Variants in PPP2R2C observed in about 807,000 individuals in gnomAD.
PPP2R2C encodes protein phosphatase 2 regulatory subunit Bgamma, also known as protein phosphatase 2, regulatory subunit B, gamma.
PPP2R2C carries 10 observed loss-of-function variants against 45.3 expected under a neutral mutation model. The observed-to-expected ratio is 0.22, with a 90% CI of 0.14 to 0.37. The LOEUF is 0.37. PPP2R2C is among the 10% of genes least tolerant of loss of function. The pLI is 1.00. For synonymous variants in PPP2R2C, 257 were observed against 245.4 expected (o/e 1.05, Z -0.44); for missense variants, 308 against 619.7 (o/e 0.50, Z 5.34).
chr4:6,357,989 TA>T, intron 5 of PPP2R2C, among the ~76,000 whole-genome samples: 1 of 152,242 alleles, frequency 6.6e-6, no homozygotes, highest in South Asian at 2.1e-4. Context: ...AAAACTACTT[TA>T]AAATTCATAT....
intron 2 of PPP2R2C, among the ~76,000 whole-genome samples, chr4:6,380,672 G>A (rs1013462150): frequency 1.6e-4 from 25 of 152,186 alleles, no homozygotes; most frequent in African/African-American, 5.5e-4. Context: ...CGCAAACATC[G>A]GCTGAGGGCA....
At chr4:6,495,864 T>C (rs1041846939) in intron 2 of PPP2R2C, among the ~76,000 whole-genome samples, 1 of 152,182 alleles carries the variant, frequency 6.6e-6, no homozygotes, top group Non-Finnish European at 1.5e-5. Flanking sequence ...AACAGAAACA[T>C]GTCCTCTCAC....
intron 1 of PPP2R2C, among the ~76,000 whole-genome samples, chr4:6,469,177 T>G (rs548455463): frequency 6.6e-6 from 1 of 151,606 alleles, no homozygotes; most frequent in South Asian, 2.1e-4. Flanking sequence ...CCTAAGATGT[T>G]TGAGATTTTA....
chr4:6,373,785 G>A (rs1715059236), intron 4 of PPP2R2C, among the ~76,000 whole-genome samples: 1 of 152,194 alleles, frequency 6.6e-6, no homozygotes, highest in South Asian at 2.1e-4. Flanking sequence ...CACACACCAG[G>A]GCACCCAGCC....
At chr4:6,476,240 C>T (rs191729433), upstream of PPP2R2C, among the ~76,000 whole-genome samples, 5 of 152,348 alleles carry the variant, frequency 3.3e-5, no homozygotes, top group African/African-American at 4.8e-5. Context: ...CAGGAAAGGG[C>T]GCTAGCCACC....
At chr4:6,423,820 G>A (rs1719121447) in intron 1 of PPP2R2C, among the ~76,000 whole-genome samples, 2 of 152,208 alleles carry the variant, frequency 1.3e-5, no homozygotes, top group Admixed American at 1.3e-4. Flanking sequence ...AGAAAGGCAG[G>A]TCAGGCCAGA....
At position 6,332,040 on chromosome 4, in the gene PPP2R2C, A is replaced by G. The variant is rs1732447545; in HGVS notation, c.960+1522T>C. On this transcript the variant is annotated intron_variant, in intron 7 of 8. Coordinates refer to ENST00000382599, the MANE Select transcript of PPP2R2C (RefSeq NM_020416.4). This position sits in a 1 kb window ranked among gnomAD's most constrained non-coding sequence, Gnocchi z 4.9. ...TACGGCCTCACGCTCCAGAACAGTC[A>G]TTCCCCTCCTTCGTGGGGTCCTTCA... 6.6e-6 allele frequency among the ~76,000 whole-genome samples: 1 copy of G among 152,182 alleles called. No homozygotes were observed. The highest frequency in any genetic ancestry group is 1.5e-5 in the Non-Finnish European group (1 of 68,034).
intron 1 of PPP2R2C, chr4:6,414,077 T>A: frequency 6.5e-6 from 1 of 154,528 alleles, no homozygotes; most frequent in Non-Finnish European, 8.4e-6. Flanking sequence ...TGCCTGTGTA[T>A]GTGTGTGTGT....
At chr4:6,449,600 G>C (rs1479778629) in intron 1 of PPP2R2C, among the ~76,000 whole-genome samples, 1 of 152,248 alleles carries the variant, frequency 6.6e-6, no homozygotes, top group Non-Finnish European at 1.5e-5. Context: ...TCCTCACGTG[G>C]TTGCACAAAG....
intron 2 of PPP2R2C, among the ~76,000 whole-genome samples, chr4:6,528,908 C>T (rs977216667): frequency 9.9e-5 from 15 of 152,214 alleles, no homozygotes; most frequent in African/African-American, 3.6e-4. Context: ...CCCTATCTCC[C>T]TTTGCTGACT....
chr4:6,434,533 A>G (rs1658157070), intron 1 of PPP2R2C, among the ~76,000 whole-genome samples: 1 of 151,656 alleles, frequency 6.6e-6, no homozygotes, highest in African/African-American at 2.4e-5. Flanking sequence ...TAATTTTTGT[A>G]GTTTTAGTAG....
chr4:6,366,113 T>C (rs932394770), intron 5 of PPP2R2C, among the ~76,000 whole-genome samples: 2 of 152,240 alleles, frequency 1.3e-5, no homozygotes, highest in African/African-American at 4.8e-5. Flanking sequence ...GAAGGGCTGT[T>C]GTTTAAGAGA....
At chr4:6,381,698 C>T in intron 1 of PPP2R2C, 1 of 1,547,292 alleles carries the variant, frequency 6.5e-7, no homozygotes, top group Non-Finnish European at 8.7e-7. Flanking sequence ...CCTGCCTGCC[C>T]TGACCCTCCC....
chr4:6,349,098 C>A (rs1050684545), intron 5 of PPP2R2C: 2 of 985,348 alleles, frequency 2.0e-6, no homozygotes, highest in Non-Finnish European at 1.2e-6. Context: ...CAAGGACTGG[C>A]ACCCCCGAGC....
chr4:6,322,148 T>C lies in PPP2R2C; in HGVS notation c.*1154A>G, dbSNP rs1731591274. 6.6e-6 allele frequency: 1 copy of C among 152,084 alleles called. No individual in the cohort carries two copies. The highest frequency in any genetic ancestry group is 2.1e-4 in the South Asian group (1 of 4,822). 9.4% of individuals were successfully genotyped at this position (152,084 alleles called of 1,614,324 possible). A position where few individuals can be genotyped will look rare whatever the true frequency, so the allele number is the denominator to read the frequency against. On this transcript the variant is annotated 3_prime_UTR_variant, in exon 9 of 9. Coordinates refer to ENST00000382599, the MANE Select transcript of PPP2R2C (RefSeq NM_020416.4). The surrounding 1 kb of genome is among the most constrained non-coding windows in gnomAD (Gnocchi z 7.8). ...CTACTTCACAAGACAGAGGCATTCC[T>C]TTCCAAACCTTCCATTTGAATGTCG...
intron 1 of PPP2R2C, among the ~76,000 whole-genome samples, chr4:6,538,495 A>G (rs1350611442): frequency 3.3e-5 from 5 of 152,142 alleles, no homozygotes; most frequent in Non-Finnish European, 5.9e-5. Context: ...AACACACCCA[A>G]TGGTGGGAAG....
At chr4:6,425,294 C>A (rs1173341069) in intron 1 of PPP2R2C, among the ~76,000 whole-genome samples, 1 of 152,208 alleles carries the variant, frequency 6.6e-6, no homozygotes, top group Non-Finnish European at 1.5e-5. Context: ...GTGTGAGCAT[C>A]ATTAAGAGCC....
intron 1 of PPP2R2C, among the ~76,000 whole-genome samples, chr4:6,405,524 G>T (rs528209638): frequency 1.3e-5 from 2 of 152,314 alleles, no homozygotes; most frequent in East Asian, 3.9e-4. Flanking sequence ...TATGAGGAAG[G>T]GACCCCAAGG....
In PPP2R2C at chr4:6,328,518, T is replaced by C. The variant is rs1276203961; in HGVS notation, c.1052+744A>G. Among the ~76,000 whole-genome samples, 1 of 152,088 alleles carries C rather than the reference T, an allele frequency of 6.6e-6. No homozygotes were observed. Among genetic ancestry groups the C allele is most frequent in the Non-Finnish European group, 1.5e-5 (1 of 68,008 alleles). ...TGATTTGGGAGGGCAGAAGAGGGAT[T>C]TTCCCACCTCCAGAATGGAGGAAGA... On this transcript the variant is annotated intron_variant, in intron 8 of 8. Transcript: ENST00000382599. The surrounding 1 kb of genome is among the most constrained non-coding windows in gnomAD (Gnocchi z 4.4).
Sources: allele counts gnomAD v4.1 joint callset (sites outside exome capture counted in the v4.1 genomes callset), GRCh38; gene constraint gnomAD v4.1.1; non-coding constraint Gnocchi (gnomAD v3.1); transcripts MANE v1.5; gene names NCBI Gene and HGNC (gene_info 2026-07-23, HGNC 2026-07-21).